The following SPIDR variants were observed in gnomAD, a reference collection of about 807,000 sequenced individuals.
SPIDR encodes the protein DNA repair-scaffolding protein.
A neutral mutation model predicts 104.6 loss-of-function variants in SPIDR; 93 were observed. The observed-to-expected ratio is 0.89, with a 90% confidence interval of 0.75 to 1.06. SPIDR has a LOEUF of 1.06. Among genes scored for constraint, SPIDR ranks in the 50% least tolerant of loss-of-function variants. The pLI, the probability that SPIDR is intolerant of heterozygous loss-of-function variation, is 0.00. For missense variants in SPIDR, 1,154 were observed against 1,111.2 expected, an observed-to-expected ratio of 1.04 and a Z score of -0.55; for synonymous variants, 431 against 416.9, an observed-to-expected ratio of 1.03 and a Z score of -0.41.
At chr8:47,700,624 G>T in intron 12 of SPIDR, 134 bp downstream of exon 12, 1 of 833,320 alleles carries the variant, frequency 1.2e-6, no homozygotes, top group Non-Finnish European at 1.9e-6. Flanking sequence ...CATGCAGTCA[G>T]TTCCTTTGTA....
At chr8:47,507,357 A>C (rs1241152208) in intron 8 of SPIDR, among the ~76,000 whole-genome samples, 1 of 152,210 alleles carries the variant, frequency 6.6e-6, no homozygotes, top group Non-Finnish European at 1.5e-5. Flanking sequence ...ACCTCATGCC[A>C]TCTCTTCTGG....
chr8:47,440,655 A>G, intron 8 of SPIDR, 113 bp downstream of exon 8: 1 of 1,068,854 alleles, frequency 9.4e-7, no homozygotes, highest in Non-Finnish European at 1.3e-6. Flanking sequence ...TGCGAGAGGA[A>G]GAGAGCCAGG....
At chr8:47,517,597 G>C (rs1282649987) in intron 8 of SPIDR, among the ~76,000 whole-genome samples, 1 of 152,240 alleles carries the variant, frequency 6.6e-6, no homozygotes, top group South Asian at 2.1e-4. Context: ...AAATGATTAT[G>C]TTCATCTATC....
At chr8:47,698,797 G>A (rs928878984) in intron 11 of SPIDR, among the ~76,000 whole-genome samples, 43 of 152,146 alleles carry the variant, frequency 2.8e-4, no homozygotes, top group Non-Finnish European at 5.9e-4. Flanking sequence ...TATGTCACAG[G>A]TGCCTTTTAC....
chr8:47,695,864 G>T (rs187368372), intron 11 of SPIDR, among the ~76,000 whole-genome samples: 1 of 152,234 alleles, frequency 6.6e-6, no homozygotes. Context: ...GTAAAAATAT[G>T]TAAATTTAGC....
chr8:47,469,539 A>T (rs1317719541), intron 8 of SPIDR, among the ~76,000 whole-genome samples: 2 of 152,170 alleles, frequency 1.3e-5, no homozygotes, highest in Non-Finnish European at 2.9e-5. Flanking sequence ...CCATGCAGCC[A>T]TAAAAAAAAA....
At chr8:47,575,364 C>A (rs2058952433) in intron 8 of SPIDR, among the ~76,000 whole-genome samples, 2 of 152,170 alleles carry the variant, frequency 1.3e-5, no homozygotes, top group Admixed American at 6.5e-5. Context: ...AAAAAGCTGG[C>A]CGGGCGCGGT....
chr8:47,412,436 A>C (rs1011414535), intron 7 of SPIDR, among the ~76,000 whole-genome samples: 3 of 152,230 alleles, frequency 2.0e-5, no homozygotes, highest in African/African-American at 7.2e-5. Flanking sequence ...GCTGGCGGTC[A>C]TTCTCTGTGT....
intron 8 of SPIDR, among the ~76,000 whole-genome samples, chr8:47,530,336 C>G (rs1045024147): frequency 6.6e-6 from 1 of 151,994 alleles, no homozygotes; most frequent in African/African-American, 2.4e-5. Context: ...CCCAGCTACT[C>G]GGGAGGCTGA....
At chr8:47,509,191 G>A (rs1448634497) in intron 8 of SPIDR, among the ~76,000 whole-genome samples, 13 of 152,174 alleles carry the variant, frequency 8.5e-5, no homozygotes, top group Non-Finnish European at 1.5e-4. Context: ...TTGGCCCTTC[G>A]GCTTGTTATG....
chr8:47,616,324 G>A (rs2064308424), intron 10 of SPIDR, among the ~76,000 whole-genome samples: 1 of 152,154 alleles, frequency 6.6e-6, no homozygotes, highest in Non-Finnish European at 1.5e-5. Context: ...ATGCCAGGTT[G>A]AGGAAGTTCC....
At chr8:47,490,575 A>G (rs1208529127) in intron 8 of SPIDR, among the ~76,000 whole-genome samples, 1 of 152,252 alleles carries the variant, frequency 6.6e-6, no homozygotes, top group African/African-American at 2.4e-5. Flanking sequence ...TATTCACAGT[A>G]GCAAAGACTT....
intron 5 of SPIDR, among the ~76,000 whole-genome samples, chr8:47,319,233 A>G (rs1228974298): frequency 2.0e-5 from 3 of 152,194 alleles, no homozygotes; most frequent in Admixed American, 1.3e-4. Flanking sequence ...CAGGCTCAAA[A>G]TAAAGGATGG....
rs199596001 is a variant in SPIDR at position 47,640,812 on chromosome 8, GA to G, written c.1545-32987del. On this transcript the variant is annotated intron_variant, in intron 10 of 19. Transcript: ENST00000297423. ...CCTGCCTCAGCCTCCCAAGTAGCTG[GA>G]ACTACAGGTACACACTGCCACACCC... Among the ~76,000 whole-genome samples the G allele has an allele frequency of 9.7e-3, 1,254 of 128,768 alleles. 25 individuals are homozygous for G. The highest frequency in any genetic ancestry group is 0.035 in the African/African-American group (1,152 of 33,270). The allele number at this position is 128,768 out of a possible 152,430, so 84.5% of individuals were successfully genotyped here. A position where few individuals can be genotyped will look rare whatever the true frequency, so the allele number is the denominator to read the frequency against.
intron 8 of SPIDR, among the ~76,000 whole-genome samples, chr8:47,586,022 A>G (rs547566623): frequency 1.3e-5 from 2 of 152,312 alleles, no homozygotes; most frequent in East Asian, 1.9e-4. Context: ...TTCACTTAGC[A>G]TCATTCTCTG....
At chr8:47,652,568 T>G (rs1259997898) in intron 10 of SPIDR, among the ~76,000 whole-genome samples, 1 of 152,226 alleles carries the variant, frequency 6.6e-6, no homozygotes, top group Admixed American at 6.5e-5. Context: ...TACAGTAAAC[T>G]GAATATGGTT....
At chr8:47,566,514 C>G (rs978793143) in intron 8 of SPIDR, among the ~76,000 whole-genome samples, 2 of 152,060 alleles carry the variant, frequency 1.3e-5, no homozygotes, top group South Asian at 4.2e-4. Flanking sequence ...GATACTCAGT[C>G]ACTGAGTATC....
intron 8 of SPIDR, among the ~76,000 whole-genome samples, chr8:47,501,291 T>C (rs967997427): frequency 7.9e-5 from 12 of 152,132 alleles, no homozygotes; most frequent in South Asian, 4.1e-4. Context: ...AATGTTCTTC[T>C]GTTTGTTTGT....
chr8:47,714,168 C>T (rs539783269), intron 16 of SPIDR, among the ~76,000 whole-genome samples: 70 of 152,162 alleles, frequency 4.6e-4, no homozygotes, highest in Middle Eastern at 3.4e-3. Context: ...TTGGTACAGG[C>T]GGCCTGGTCT....
Sources: gnomAD v4.1 joint callset for allele counts (sites outside exome capture counted in the v4.1 genomes callset) on GRCh38, gnomAD v4.1.1 for gene constraint, MANE v1.5 for transcripts, NCBI Gene and HGNC (gene_info 2026-07-23, HGNC 2026-07-21) for gene names.